CNTNAP5: variants seen among roughly 807,000 people sequenced by gnomAD.
The protein encoded by CNTNAP5 is contactin-associated protein-like 5.
A neutral mutation model predicts 150.2 loss-of-function variants in CNTNAP5; 72 were observed. The ratio of observed to expected loss-of-function variants is 0.48; its 90% CI spans 0.40 to 0.58. The LOEUF (loss-of-function observed/expected upper bound fraction) is 0.58, where lower values mean the gene tolerates loss of function less well. CNTNAP5 is among the 20% of genes least tolerant of loss of function. The probability of loss-of-function intolerance (pLI) is 0.00; values close to 1 mark genes in which losing one functional copy is unlikely to be tolerated. For synonymous variants in CNTNAP5, 672 were observed against 619.8 expected (o/e 1.08, Z -1.25); for missense variants, 1,636 against 1,626.2 (o/e 1.01, Z -0.10).
At chr2:124,832,038 A>T (rs534524863) in intron 19 of CNTNAP5, among the ~76,000 whole-genome samples, 1 of 152,070 alleles carries the variant, frequency 6.6e-6, no homozygotes, top group Non-Finnish European at 1.5e-5. Context: ...CTTACTTATA[A>T]AAAGAATACA....
At chr2:124,055,426 CCTT>C (rs1339653144) in intron 1 of CNTNAP5, among the ~76,000 whole-genome samples, 1 of 152,126 alleles carries the variant, frequency 6.6e-6, no homozygotes, top group African/African-American at 2.4e-5. Context: ...TCTGGTTACT[CCTT>C]CTTCTTGGAT....
At chr2:124,642,531 T>C (rs984365049) in intron 12 of CNTNAP5, among the ~76,000 whole-genome samples, 19 of 152,162 alleles carry the variant, frequency 1.2e-4, no homozygotes, top group African/African-American at 3.6e-4. Context: ...ACTCTTGACC[T>C]TGGAAGTTCT....
intron 3 of CNTNAP5, among the ~76,000 whole-genome samples, chr2:124,315,988 G>A (rs569990301): frequency 6.6e-6 from 1 of 152,290 alleles, no homozygotes; most frequent in South Asian, 2.1e-4. Context: ...CCCGATACCA[G>A]CCTGAGGATG....
chr2:124,683,270 G>A (rs1288974473), intron 13 of CNTNAP5, among the ~76,000 whole-genome samples: 4 of 152,072 alleles, frequency 2.6e-5, no homozygotes, highest in East Asian at 3.8e-4. Context: ...ATTTTTTAAT[G>A]TTTTATTCTG....
chr2:124,476,745 C>T (rs1223286283), intron 7 of CNTNAP5, among the ~76,000 whole-genome samples: 3 of 152,144 alleles, frequency 2.0e-5, no homozygotes, highest in African/African-American at 7.2e-5. Context: ...CTCACTACAG[C>T]ATGGCTCAGT....
chr2:124,469,042 C>T, intron 6 of CNTNAP5, among the ~76,000 whole-genome samples: 1 of 152,198 alleles, frequency 6.6e-6, no homozygotes, highest in African/African-American at 2.4e-5. Flanking sequence ...TGTCTTGTGA[C>T]CTCTATCCAT....
At chr2:124,751,185 A>T (rs1006489794) in intron 14 of CNTNAP5, among the ~76,000 whole-genome samples, 1 of 151,954 alleles carries the variant, frequency 6.6e-6, no homozygotes, top group South Asian at 2.1e-4. Flanking sequence ...AGCTAGTTAA[A>T]TAAATAAACA....
At chr2:124,401,466 GACTACTTATAT>G (rs1412518737) in intron 3 of CNTNAP5, among the ~76,000 whole-genome samples, 3 of 152,198 alleles carry the variant, frequency 2.0e-5, no homozygotes, top group Non-Finnish European at 4.4e-5. Context: ...GATGCTGATA[GACTACTTATAT>G]ACAAAAGTTC....
intron 3 of CNTNAP5, among the ~76,000 whole-genome samples, chr2:124,386,817 GT>G (rs202124540): frequency 0.18 from 27,883 of 152,008 alleles, 2,708 homozygotes; most frequent in East Asian, 0.28. Flanking sequence ...GGATGTTTGT[GT>G]CCCCCCAGAA....
chr2:124,302,341 G>A lies in CNTNAP5; in HGVS notation c.381+59948G>A, dbSNP rs542620739. 6.6e-4 allele frequency among the ~76,000 whole-genome samples: 100 copies of A among 152,298 alleles called. 1 individual carries two copies. The highest frequency in any genetic ancestry group is 3.9e-3 in the South Asian group (19 of 4,826). On this transcript the variant is annotated intron_variant, in intron 3 of 23. Transcript: ENST00000682447. ...ACATTTATGTGCCGGTCTTAGCTTA[G>A]TTTATTCTGCTATAACAGAATAACA...
At chr2:124,055,425 TC>T (rs1196819721) in intron 1 of CNTNAP5, among the ~76,000 whole-genome samples, 1 of 152,190 alleles carries the variant, frequency 6.6e-6, no homozygotes, top group Non-Finnish European at 1.5e-5. Context: ...CTCTGGTTAC[TC>T]CTTCTTCTTG....
chr2:124,149,115 A>G (rs780261462), intron 1 of CNTNAP5, among the ~76,000 whole-genome samples: 33 of 151,962 alleles, frequency 2.2e-4, no homozygotes, highest in Non-Finnish European at 3.5e-4. Context: ...TTTCCTTGCA[A>G]TGCTTCAAGG....
At chr2:124,166,711 TGGCCACCAGAGGGAA>T (rs1684815674) in intron 1 of CNTNAP5, among the ~76,000 whole-genome samples, 2 of 152,204 alleles carry the variant, frequency 1.3e-5, no homozygotes, top group Non-Finnish European at 2.9e-5. Context: ...CATGCAGTGA[TGGCCACCAGAGGGAA>T]CAAATCAGAC....
intron 1 of CNTNAP5, among the ~76,000 whole-genome samples, chr2:124,094,722 G>A (rs1016318141): frequency 6.6e-6 from 1 of 152,148 alleles, no homozygotes; most frequent in African/African-American, 2.4e-5. Flanking sequence ...ACAGCAACTG[G>A]TGTGGGGGCT....
chr2:124,768,350 G>T (rs1681113782), intron 16 of CNTNAP5, among the ~76,000 whole-genome samples: 1 of 151,474 alleles, frequency 6.6e-6, no homozygotes, highest in Non-Finnish European at 1.5e-5. Context: ...ATAAATATGA[G>T]AGAAAAGAAA....
chr2:124,074,504 T>A (rs1048381105), intron 1 of CNTNAP5, among the ~76,000 whole-genome samples: 1 of 152,038 alleles, frequency 6.6e-6, no homozygotes. Context: ...AAAACCATTA[T>A]TTTAAAGGGA....
At chr2:124,714,944 C>T (rs1298791778) in intron 13 of CNTNAP5, among the ~76,000 whole-genome samples, 1 of 152,058 alleles carries the variant, frequency 6.6e-6, no homozygotes, top group East Asian at 1.9e-4. Flanking sequence ...AGAACTCCAG[C>T]AATTTTGTTA....
intron 12 of CNTNAP5, among the ~76,000 whole-genome samples, chr2:124,622,696 C>T (rs1041805630): frequency 6.6e-6 from 1 of 152,008 alleles, no homozygotes; most frequent in Non-Finnish European, 1.5e-5. Flanking sequence ...TTGGAAAACA[C>T]TCTACTTTCA....
At chr2:124,508,854 C>A (rs534392536) in intron 8 of CNTNAP5, among the ~76,000 whole-genome samples, 71 of 152,258 alleles carry the variant, frequency 4.7e-4, no homozygotes, top group African/African-American at 1.7e-3. Flanking sequence ...AATAATCAAA[C>A]AAAAACAGTT....
Sources: allele counts gnomAD v4.1 joint callset (sites outside exome capture counted in the v4.1 genomes callset), GRCh38; gene constraint gnomAD v4.1.1; transcripts MANE v1.5; gene names NCBI Gene and HGNC (gene_info 2026-07-23, HGNC 2026-07-21).